Variants in CAST observed in about 807,000 individuals in gnomAD.
CAST encodes MIR583 host.
In CAST, 76 loss-of-function variants were observed where a neutral mutation model predicts 119.6. That is an observed-to-expected ratio of 0.64 (90% confidence interval 0.53 to 0.77). CAST has a LOEUF of 0.77. CAST is among the 30% of genes least tolerant of loss of function. CAST has a pLI of 0.00. For missense variants in CAST, 953 were observed against 946.5 expected, an observed-to-expected ratio of 1.01 and a Z score of -0.09; for synonymous variants, 319 against 331.6, an observed-to-expected ratio of 0.96 and a Z score of 0.41.
At chr5:96,414,074 G>C in the CAST span, among the ~76,000 whole-genome samples, 1 of 149,358 alleles carries the variant, frequency 6.7e-6, no homozygotes, top group Non-Finnish European at 1.5e-5. Flanking sequence ...GGGAGGCGGA[G>C]CTTGCAGTGA....
At chr5:96,561,518 A>T (rs947064370) in intron 1 of CAST, among the ~76,000 whole-genome samples, 6 of 151,614 alleles carry the variant, frequency 4.0e-5, no homozygotes, top group African/African-American at 1.5e-4. Context: ...AACAATGAGA[A>T]CACATGGACA....
the CAST span, among the ~76,000 whole-genome samples, chr5:96,212,679 T>C: frequency 7.2e-5 from 11 of 152,344 alleles, no homozygotes; most frequent in East Asian, 1.5e-3. Context: ...AAGAGGGCTA[T>C]TGAAGTTTAC....
At chr5:96,360,929 C>T in the CAST span, among the ~76,000 whole-genome samples, 937 of 152,318 alleles carry the variant, frequency 6.2e-3, 9 homozygotes, top group African/African-American at 0.022. Flanking sequence ...AAACTGCACC[C>T]ACAGCTGCCC....
intron 1 of CAST, among the ~76,000 whole-genome samples, chr5:96,602,204 AT>A (rs1747167668): frequency 6.6e-6 from 1 of 152,246 alleles, no homozygotes; most frequent in Non-Finnish European, 1.5e-5. Context: ...AAACAGTAAT[AT>A]GACATGACAA....
rs1254967802 is a variant in CAST, at chr5:96,561,942, G to A, written c.60+32062G>A. Reference sequence around the variant, plus strand: ...CGAGTAGCTGGGACTACAGACGCCCGCTACCACGCCCGGCTAATTTTTTGT... The same window carrying A: ...CGAGTAGCTGGGACTACAGACGCCCACTACCACGCCCGGCTAATTTTTTGT... On this transcript the variant is annotated intron_variant, in intron 1 of 11. Coordinates refer to the CAST transcript ENST00000505143. Among the ~76,000 whole-genome samples the A allele has an allele frequency of 5.3e-5, 7 of 131,340 alleles. No individual in the cohort carries two copies. In the South Asian group the frequency reaches 1.7e-3, roughly 33 times the overall value. 86.2% of individuals were successfully genotyped at this position (131,340 alleles called of 152,430 possible).
At chr5:96,303,735 A>C in the CAST span, among the ~76,000 whole-genome samples, 1 of 152,040 alleles carries the variant, frequency 6.6e-6, no homozygotes, top group Non-Finnish European at 1.5e-5. Context: ...TTTGCTGAGA[A>C]TGAGGTTTCT....
chr5:96,331,550 C>G, the CAST span, among the ~76,000 whole-genome samples: 2 of 152,208 alleles, frequency 1.3e-5, no homozygotes, highest in Non-Finnish European at 2.9e-5. Context: ...TCCTGTTTTT[C>G]AGTTCAATCA....
At chr5:96,336,616 C>A in the CAST span, among the ~76,000 whole-genome samples, 1 of 152,198 alleles carries the variant, frequency 6.6e-6, no homozygotes. Context: ...ACATCAAACC[C>A]ACAGTGTTAA....
the CAST span, among the ~76,000 whole-genome samples, chr5:96,306,905 G>C: frequency 5.3e-4 from 80 of 152,288 alleles, 1 homozygote; most frequent in Middle Eastern, 6.8e-3. Context: ...GCAATGTGGT[G>C]CTGAGAAGAA....
intron 1 of CAST, among the ~76,000 whole-genome samples, chr5:96,602,440 ATAT>A (rs1159259703): frequency 6.6e-6 from 1 of 152,194 alleles, no homozygotes; most frequent in Admixed American, 6.5e-5. Flanking sequence ...ATTAGGATAA[ATAT>A]TATAAAGGAA....
At chr5:96,532,937 ATT>A (rs1024597775) in intron 1 of CAST, among the ~76,000 whole-genome samples, 15 of 151,780 alleles carry the variant, frequency 9.9e-5, no homozygotes, top group African/African-American at 3.6e-4. Context: ...AGGTGGGAGG[ATT>A]GCTTGAGCCT....
the CAST span, among the ~76,000 whole-genome samples, chr5:96,147,421 G>C: frequency 6.6e-6 from 1 of 152,102 alleles, no homozygotes; most frequent in Admixed American, 6.5e-5. Context: ...TGGCTGACAG[G>C]GTGAAACCCC....
chr5:96,581,237 C>T (rs1012529319), intron 1 of CAST, among the ~76,000 whole-genome samples: 1 of 151,764 alleles, frequency 6.6e-6, no homozygotes, highest in African/African-American at 2.4e-5. Flanking sequence ...ACAAGTTAAC[C>T]AAAAAGAGAA....
chr5:96,605,643 A>C (rs1747238358), intron 1 of CAST, among the ~76,000 whole-genome samples: 1 of 152,236 alleles, frequency 6.6e-6, no homozygotes, highest in Non-Finnish European at 1.5e-5. Flanking sequence ...ACTTGCTCTG[A>C]GGCATATAGC....
chr5:96,243,020 C>T, the CAST span, among the ~76,000 whole-genome samples: 6 of 152,132 alleles, frequency 3.9e-5, no homozygotes, highest in African/African-American at 7.2e-5. Context: ...TCTATAAATA[C>T]GTTCAAAATT....
At chr5:96,183,255 A>G in the CAST span, among the ~76,000 whole-genome samples, 11 of 150,762 alleles carry the variant, frequency 7.3e-5, no homozygotes, top group Admixed American at 6.6e-5. Flanking sequence ...TTTTAAAAAC[A>G]TTTCCTATGT....
chr5:96,017,132 G>A, the CAST span, among the ~76,000 whole-genome samples: 3 of 152,092 alleles, frequency 2.0e-5, no homozygotes, highest in Admixed American at 6.5e-5. Context: ...CACCAAGGCC[G>A]GCCGGTTATC....
At chr5:96,558,911 G>A (rs935574099) in intron 1 of CAST, among the ~76,000 whole-genome samples, 2 of 151,894 alleles carry the variant, frequency 1.3e-5, no homozygotes, top group African/African-American at 4.8e-5. Context: ...CAAAAAAAGA[G>A]AATTTTAGAC....
chr5:96,657,356 C>T (rs983340453), upstream of CAST, among the ~76,000 whole-genome samples: 12 of 152,080 alleles, frequency 7.9e-5, no homozygotes, highest in Non-Finnish European at 1.3e-4. Flanking sequence ...ATCTACATGC[C>T]TTCTGGATAG....
Sources: allele counts gnomAD v4.1 joint callset (sites outside exome capture counted in the v4.1 genomes callset), GRCh38; gene constraint gnomAD v4.1.1; transcripts MANE v1.5; gene names NCBI Gene and HGNC (gene_info 2026-07-23, HGNC 2026-07-21).